The following SLC10A7 variants were observed in gnomAD, a reference collection of about 807,000 sequenced individuals.
SLC10A7 encodes sodium/bile acid cotransporter 7.
In SLC10A7, 29 loss-of-function variants were observed where a neutral mutation model predicts 43.2. The ratio of observed to expected loss-of-function variants is 0.67; its 90% CI spans 0.50 to 0.92. The LOEUF (loss-of-function observed/expected upper bound fraction) is 0.92, where lower values mean the gene tolerates loss of function less well. SLC10A7 is among the 40% of genes least tolerant of loss of function. The pLI, the probability that SLC10A7 is intolerant of heterozygous loss-of-function variation, is 0.00. For synonymous variants in SLC10A7, 152 were observed against 144.8 expected (o/e 1.05, Z -0.35); for missense variants, 295 against 403.2 (o/e 0.73, Z 2.30).
At chr4:146,368,091 G>C (rs1736521599) in intron 5 of SLC10A7, among the ~76,000 whole-genome samples, 3 of 152,076 alleles carry the variant, frequency 2.0e-5, no homozygotes, top group Non-Finnish European at 4.4e-5. Flanking sequence ...ACACTGCCAG[G>C]CTCCTTTCTA....
intron 7 of SLC10A7, among the ~76,000 whole-genome samples, chr4:146,301,792 G>C (rs1333330021): frequency 1.3e-5 from 2 of 152,138 alleles, no homozygotes; most frequent in Non-Finnish European, 1.5e-5. Flanking sequence ...GGTGGTGGCT[G>C]TTAATTCCTA....
intron 5 of SLC10A7, among the ~76,000 whole-genome samples, chr4:146,423,655 G>A (rs1303770480): frequency 6.6e-6 from 1 of 152,162 alleles, no homozygotes; most frequent in Non-Finnish European, 1.5e-5. Context: ...TTTCAACAGT[G>A]AAGAGCTTAG....
intron 1 of SLC10A7, among the ~76,000 whole-genome samples, chr4:146,519,334 T>C (rs1186406382): frequency 2.1e-5 from 3 of 145,340 alleles, no homozygotes; most frequent in South Asian, 4.2e-4. Flanking sequence ...TAACATAATA[T>C]ATAATATTAT....
intron 6 of SLC10A7, among the ~76,000 whole-genome samples, chr4:146,325,517 G>A (rs934798543): frequency 6.6e-6 from 1 of 152,150 alleles, no homozygotes; most frequent in African/African-American, 2.4e-5. Context: ...GAAAAAAATT[G>A]AGGCAGCCTT....
At chr4:146,359,483 A>G (rs890540471) in intron 5 of SLC10A7, among the ~76,000 whole-genome samples, 2 of 152,098 alleles carry the variant, frequency 1.3e-5, no homozygotes, top group African/African-American at 4.8e-5. Flanking sequence ...ATTTTTTATT[A>G]CCTGAAAATG....
intron 5 of SLC10A7, among the ~76,000 whole-genome samples, chr4:146,378,997 T>A (rs1469631079): frequency 2.0e-5 from 3 of 152,090 alleles, no homozygotes; most frequent in Non-Finnish European, 4.4e-5. Context: ...AACAGAGCCT[T>A]TCAGGGTATT....
chr4:146,300,080 G>T (rs1731061559), intron 7 of SLC10A7, among the ~76,000 whole-genome samples: 1 of 152,102 alleles, frequency 6.6e-6, no homozygotes, highest in Non-Finnish European at 1.5e-5. Context: ...TGCCAAGGAG[G>T]GATTATAATG....
Position 146,439,292 on chromosome 4 carries a change from T to C in SLC10A7, c.435+3491A>G, listed in dbSNP as rs144650999. Among the ~76,000 whole-genome samples the C allele has an allele frequency of 1.6e-3, 248 of 152,200 alleles. 6 individuals carry two copies. In the East Asian group the frequency reaches 0.043, roughly 26 times the overall value. On this transcript the variant is annotated intron_variant, in intron 5 of 11. Coordinates refer to ENST00000335472, the MANE Select transcript of SLC10A7 (RefSeq NM_001029998.6). The stretch of plus-strand genomic sequence containing the variant: ...TGTTTAAATTAGACCTGGGACATTA[T>C]TAAAGTAGCTATAAATATGTACAGT...
intron 6 of SLC10A7, among the ~76,000 whole-genome samples, chr4:146,317,312 G>T (rs1732394669): frequency 6.6e-6 from 1 of 151,970 alleles, no homozygotes; most frequent in South Asian, 2.1e-4. Context: ...TTTTTGAGTG[G>T]CTTCAACTGC....
chr4:146,505,672 C>T (rs1387153693), intron 3 of SLC10A7, among the ~76,000 whole-genome samples: 2 of 152,028 alleles, frequency 1.3e-5, no homozygotes, highest in African/African-American at 4.8e-5. Context: ...ATGGAATTTC[C>T]AACTCAGTTC....
At chr4:146,388,523 C>T (rs1560860672) in intron 5 of SLC10A7, among the ~76,000 whole-genome samples, 1 of 152,094 alleles carries the variant, frequency 6.6e-6, no homozygotes, top group Non-Finnish European at 1.5e-5. Flanking sequence ...CTTTGGGAGG[C>T]TGAGGCGGGT....
At chr4:146,275,829 A>G (rs966232609) in intron 10 of SLC10A7, among the ~76,000 whole-genome samples, 2 of 151,952 alleles carry the variant, frequency 1.3e-5, no homozygotes, top group African/African-American at 4.8e-5. Context: ...CAACACAAAA[A>G]TATTTTATGC....
Position 146,258,800 on chromosome 4 carries a change from C to G in SLC10A7, c.885G>C (p.Glu295Asp). The G allele has an allele frequency of 6.2e-7, 1 of 1,609,880 alleles. No homozygotes were observed. The highest frequency in any genetic ancestry group is 8.5e-7 in the Non-Finnish European group (1 of 1,179,068). ...PMLKIVFAGH[E>D]HLSLISVPLL... ...AGGGTACAGATATTAAAGAGAGATG[C>G]TCATGGCCTGCAAACACGATCTTCA... Residue 295 changes from glutamate to aspartate, a missense_variant, in exon 11 of 12, where the codon GAG becomes GAC. This residue lies in a region of SLC10A7 where 242 missense variants were observed against 362.5 expected (regional missense o/e 0.67). Coordinates refer to ENST00000335472, the MANE Select transcript of SLC10A7 (RefSeq NM_001029998.6).
intron 10 of SLC10A7, among the ~76,000 whole-genome samples, chr4:146,261,625 C>T (rs891677620): frequency 5.3e-5 from 8 of 152,276 alleles, no homozygotes; most frequent in South Asian, 4.1e-4. Context: ...AAGGGATCCA[C>T]GATCACTTGC....
chr4:146,424,678 A>T (rs1039995237), intron 5 of SLC10A7, among the ~76,000 whole-genome samples: 1 of 152,040 alleles, frequency 6.6e-6, no homozygotes. Flanking sequence ...ACAAAAAAAA[A>T]ACAAAAACAA....
At chr4:146,419,704 C>T (rs1347480978) in intron 5 of SLC10A7, among the ~76,000 whole-genome samples, 2 of 151,796 alleles carry the variant, frequency 1.3e-5, no homozygotes, top group Non-Finnish European at 2.9e-5. Context: ...GGCATGGTGG[C>T]GGGTGCCTGC....
chr4:146,307,871 CTCTT>C (rs66870414), intron 6 of SLC10A7, among the ~76,000 whole-genome samples: 105,803 of 151,490 alleles, frequency 0.7, 37,123 homozygotes, highest in African/African-American at 0.74. Flanking sequence ...GGTATATTCT[CTCTT>C]TAAGCACCCC....
At chr4:146,331,947 G>A (rs1414315149) in intron 5 of SLC10A7, among the ~76,000 whole-genome samples, 1 of 152,002 alleles carries the variant, frequency 6.6e-6, no homozygotes, top group Non-Finnish European at 1.5e-5. Context: ...AAATGGTCAG[G>A]GTATATAGTC....
chr4:146,364,744 T>G (rs1736278220), intron 5 of SLC10A7, among the ~76,000 whole-genome samples: 1 of 152,106 alleles, frequency 6.6e-6, no homozygotes, highest in African/African-American at 2.4e-5. Flanking sequence ...TAGAAATAAT[T>G]TATTGTATAT....
Sources: allele counts gnomAD v4.1 joint callset (sites outside exome capture counted in the v4.1 genomes callset), GRCh38; gene constraint gnomAD v4.1.1; regional missense constraint gnomAD v4.1.1; transcripts MANE v1.5; gene names NCBI Gene and HGNC (gene_info 2026-07-23, HGNC 2026-07-21).